Variants in PRTG observed in about 807,000 individuals in gnomAD.
PRTG encodes the protein immunoglobulin superfamily, DCC subclass, member 5.
In PRTG, 67 loss-of-function variants were observed where a neutral mutation model predicts 122.5. The ratio of observed to expected loss-of-function variants is 0.55; its 90% CI spans 0.45 to 0.67. The LOEUF (loss-of-function observed/expected upper bound fraction) is 0.67. Ranked by LOEUF, PRTG falls within the 30% of genes least tolerant of loss-of-function variation. The pLI is 0.00. For synonymous variants in PRTG, 554 were observed against 501.1 expected (o/e 1.11, Z -1.41); for missense variants, 1,435 against 1,415.4 (o/e 1.01, Z -0.22).
chr15:55,728,460 A>T (rs1297380409), intron 2 of PRTG, among the ~76,000 whole-genome samples: 3 of 152,250 alleles, frequency 2.0e-5, no homozygotes, highest in Non-Finnish European at 4.4e-5. Flanking sequence ...AAGTTGTTCA[A>T]CAGAAGAAAA....
chr15:55,725,170 T>C (rs1365849124), intron 2 of PRTG, among the ~76,000 whole-genome samples: 1 of 151,760 alleles, frequency 6.6e-6, no homozygotes, highest in African/African-American at 2.4e-5. Flanking sequence ...AAAAGGGGGG[T>C]GAAGCTGTAT....
At chr15:55,682,139 T>C (rs1283895819) in intron 4 of PRTG, among the ~76,000 whole-genome samples, 1 of 152,172 alleles carries the variant, frequency 6.6e-6, no homozygotes, top group Non-Finnish European at 1.5e-5. Flanking sequence ...TGAATATTTG[T>C]TAATCTTTCT....
intron 2 of PRTG, among the ~76,000 whole-genome samples, chr15:55,711,670 A>G (rs1450656409): frequency 6.6e-6 from 1 of 152,162 alleles, no homozygotes; most frequent in Non-Finnish European, 1.5e-5. Context: ...CATCCAGCCA[A>G]CATTCTCCTT....
chr15:55,643,627 T>C (rs543397274), intron 11 of PRTG, among the ~76,000 whole-genome samples: 34 of 152,074 alleles, frequency 2.2e-4, no homozygotes, highest in African/African-American at 8.2e-4. Context: ...ACTCAACATA[T>C]TGCCCAGGCT....
At position 55,730,508 on chromosome 15, in the gene PRTG, T is replaced by TAGTGACTATAGGCTAGATGC. The variant is rs2031192254; in HGVS notation, c.397+9854_397+9873dup. Among the ~76,000 whole-genome samples the TAGTGACTATAGGCTAGATGC allele has an allele frequency of 3.3e-5, 5 of 152,096 alleles. No homozygotes were observed. The South Asian group carries it at 1.0e-3, about 32-fold the overall frequency. On this transcript the variant is annotated intron_variant, in intron 2 of 19. Coordinates refer to ENST00000389286, the MANE Select transcript of PRTG (RefSeq NM_173814.6). ...AAAGCTTTATTTAAGCACTGCGAAG[T>TAGTGACTATAGGCTAGATGC]AGTGACTATAGGCTAGATGCAGTGG...
At position 55,652,349 on chromosome 15, in the gene PRTG, A is replaced by G. The variant is rs558887044; in HGVS notation, c.2042-11141T>C. Among the ~76,000 whole-genome samples, 21 of 152,282 alleles carry G rather than the reference A, an allele frequency of 1.4e-4. No individual in the cohort carries two copies. The Middle Eastern group carries it at 0.01, about 74-fold the overall frequency. ...TAGGAAATGATCAGAATAAGTAAGAAAGGTGAAAGTCTGAAGGATGAAACC... is the reference window on the plus strand; with the variant it reads ...TAGGAAATGATCAGAATAAGTAAGAGAGGTGAAAGTCTGAAGGATGAAACC... On this transcript the variant is annotated intron_variant, in intron 11 of 19. Coordinates refer to ENST00000389286, the MANE Select transcript of PRTG (RefSeq NM_173814.6).
chr15:55,682,970 A>G (rs182707376), intron 3 of PRTG, among the ~76,000 whole-genome samples: 118 of 152,304 alleles, frequency 7.7e-4, no homozygotes, highest in Non-Finnish European at 4.1e-4. Context: ...GCTTGATTCT[A>G]TTGTTTTCAT....
intron 11 of PRTG, among the ~76,000 whole-genome samples, chr15:55,642,718 T>C (rs1324396303): frequency 1.3e-5 from 2 of 152,020 alleles, no homozygotes; most frequent in East Asian, 1.9e-4. Context: ...TAATCCTTAA[T>C]AGATATAACC....
At chr15:55,688,913 T>C (rs1281692805) in intron 2 of PRTG, among the ~76,000 whole-genome samples, 2 of 152,216 alleles carry the variant, frequency 1.3e-5, no homozygotes, top group Admixed American at 6.5e-5. Context: ...TCCAAAGCTG[T>C]ATCTCTGCTT....
At chr15:55,726,328 C>T (rs1328489522) in intron 2 of PRTG, among the ~76,000 whole-genome samples, 1 of 152,056 alleles carries the variant, frequency 6.6e-6, no homozygotes, top group Non-Finnish European at 1.5e-5. Context: ...CCATTTGCCT[C>T]GGCCTCCCAA....
chr15:55,737,832 G>C (rs1233504778), intron 2 of PRTG, among the ~76,000 whole-genome samples: 2 of 151,074 alleles, frequency 1.3e-5, no homozygotes, highest in Non-Finnish European at 2.9e-5. Flanking sequence ...TTGTGCTTCT[G>C]TACAACCAAA....
At chr15:55,703,343 C>T (rs1175948508) in intron 2 of PRTG, among the ~76,000 whole-genome samples, 1 of 152,144 alleles carries the variant, frequency 6.6e-6, no homozygotes, top group African/African-American at 2.4e-5. Context: ...TCCTCATCTG[C>T]GGCTGAAGTA....
intron 10 of PRTG, among the ~76,000 whole-genome samples, 188 bp downstream of exon 10, chr15:55,673,183 C>T (rs573352707): frequency 2.6e-5 from 4 of 152,262 alleles, no homozygotes. Flanking sequence ...AAAAAGTTTA[C>T]ACACAAATAA....
Position 55,653,342 on chromosome 15 carries a change from A to T in PRTG, c.2042-12134T>A, listed in dbSNP as rs1367572214. On this transcript the variant is annotated intron_variant, in intron 11 of 19. Transcript: ENST00000389286. Reference sequence around the variant, plus strand: ...GGTCTTAAGACAAATAACACCTCTCACTCCCAGTAAAAACATCCCCTCTCC... The same window carrying T: ...GGTCTTAAGACAAATAACACCTCTCTCTCCCAGTAAAAACATCCCCTCTCC... Among the ~76,000 whole-genome samples, 4 of 151,916 alleles carry T rather than the reference A, an allele frequency of 2.6e-5. No homozygotes were observed. The East Asian group carries it at 7.7e-4, about 29-fold the overall frequency.
At chr15:55,665,249 G>C (rs1445707624) in intron 11 of PRTG, among the ~76,000 whole-genome samples, 1 of 151,918 alleles carries the variant, frequency 6.6e-6, no homozygotes, top group Non-Finnish European at 1.5e-5. Flanking sequence ...GACAGAGCGA[G>C]ACTCTGTCTC....
chr15:55,733,317 C>T (rs1363314687), intron 2 of PRTG, among the ~76,000 whole-genome samples: 3 of 151,712 alleles, frequency 2.0e-5, no homozygotes, highest in African/African-American at 7.3e-5. Flanking sequence ...TCGAGACCAG[C>T]CTGACCAACG....
At chr15:55,737,820 T>G (rs1242448254) in intron 2 of PRTG, among the ~76,000 whole-genome samples, 9 of 151,914 alleles carry the variant, frequency 5.9e-5, no homozygotes, top group African/African-American at 2.2e-4. Context: ...GGTGCTGTAC[T>G]ATTGTGCTTC....
At chr15:55,678,389 C>T (rs1489558308) in intron 7 of PRTG, among the ~76,000 whole-genome samples, 1 of 152,040 alleles carries the variant, frequency 6.6e-6, no homozygotes. Context: ...AGCCGGGACT[C>T]CAGGCATGTG....
chr15:55,707,769 A>G (rs2030192159), intron 2 of PRTG, among the ~76,000 whole-genome samples: 1 of 152,160 alleles, frequency 6.6e-6, no homozygotes, highest in African/African-American at 2.4e-5. Flanking sequence ...GGTAGTGGAG[A>G]GCCAAACAAT....
Sources: allele counts gnomAD v4.1 joint callset (sites outside exome capture counted in the v4.1 genomes callset), GRCh38; gene constraint gnomAD v4.1.1; transcripts MANE v1.5; gene names NCBI Gene and HGNC (gene_info 2026-07-23, HGNC 2026-07-21).